Variants in ADAMTS3 observed in about 807,000 individuals in gnomAD.
ADAMTS3 encodes the protein A disintegrin and metalloproteinase with thrombospondin motifs 3.
Under a neutral mutation model 129.0 loss-of-function variants are expected in ADAMTS3, and 73 were observed. That is an observed-to-expected ratio of 0.57 (90% confidence interval 0.47 to 0.69). ADAMTS3 has a LOEUF of 0.69. ADAMTS3 is among the 30% of genes least tolerant of loss of function. The pLI is 0.00. For synonymous variants in ADAMTS3, 477 were observed against 510.8 expected, an observed-to-expected ratio of 0.93 and a Z score of 0.89; for missense variants, 1,457 against 1,514.5, an observed-to-expected ratio of 0.96 and a Z score of 0.63.
At chr4:72,561,175 C>T (rs946444563) in intron 2 of ADAMTS3, among the ~76,000 whole-genome samples, 4 of 152,012 alleles carry the variant, frequency 2.6e-5, no homozygotes, top group Non-Finnish European at 5.9e-5. Context: ...GATGGTGAAA[C>T]TCGTCTCTAC....
chr4:72,331,336 G>A (rs563178239), intron 5 of ADAMTS3, among the ~76,000 whole-genome samples: 8 of 152,132 alleles, frequency 5.3e-5, no homozygotes, highest in Non-Finnish European at 1.2e-4. Flanking sequence ...AGCTTGTTGA[G>A]GTAGGGAAGT....
At chr4:72,464,624 T>A (rs1443951780) in intron 3 of ADAMTS3, among the ~76,000 whole-genome samples, 1 of 152,038 alleles carries the variant, frequency 6.6e-6, no homozygotes, top group South Asian at 2.1e-4. Flanking sequence ...AAAGAGAACA[T>A]GGCACTTACC....
chr4:72,312,820 C>A (rs1719279118), intron 12 of ADAMTS3, among the ~76,000 whole-genome samples: 1 of 152,114 alleles, frequency 6.6e-6, no homozygotes, highest in South Asian at 2.1e-4. Flanking sequence ...GGTCATCGCT[C>A]CATGGCTCGG....
At chr4:72,320,390 G>A (rs1012252122) in intron 7 of ADAMTS3, among the ~76,000 whole-genome samples, 1 of 152,134 alleles carries the variant, frequency 6.6e-6, no homozygotes, top group Non-Finnish European at 1.5e-5. Flanking sequence ...AAGCTCTTTG[G>A]CAGCAGTCAT....
intron 3 of ADAMTS3, among the ~76,000 whole-genome samples, chr4:72,460,333 A>T (rs1398436084): frequency 1.3e-5 from 2 of 151,598 alleles, no homozygotes; most frequent in East Asian, 3.9e-4. Context: ...ACGTGTGTGT[A>T]TTTTAACCAT....
At chr4:72,423,941 T>C (rs958684109) in intron 3 of ADAMTS3, among the ~76,000 whole-genome samples, 3 of 152,092 alleles carry the variant, frequency 2.0e-5, no homozygotes, top group Non-Finnish European at 4.4e-5. Context: ...TCCCCTTATT[T>C]TAAAGCCAGA....
chr4:72,386,890 T>TA (rs1355811754), intron 4 of ADAMTS3, among the ~76,000 whole-genome samples: 1 of 152,232 alleles, frequency 6.6e-6, no homozygotes, highest in African/African-American at 2.4e-5. Context: ...AGCATTTTTT[T>TA]AAGCAATCTT....
At chr4:72,376,421 C>T (rs1485907457) in intron 4 of ADAMTS3, among the ~76,000 whole-genome samples, 2 of 152,066 alleles carry the variant, frequency 1.3e-5, no homozygotes, top group Non-Finnish European at 2.9e-5. Flanking sequence ...TCAGCATGGA[C>T]GTTCAATAAA....
rs191735328 is a variant in ADAMTS3 at position 72,477,358 on chromosome 4, A to G, written c.505-62387T>C. 1.1e-3 allele frequency among the ~76,000 whole-genome samples: 164 copies of G among 152,324 alleles called. 1 individual carries two copies. The highest frequency in any genetic ancestry group is 3.5e-3 in the African/African-American group (147 of 41,568). ...CAAACTGTCTCTCAGACCACAGTGCAATCAAACTAGAACTCAGGATTAAGA... is the reference window on the plus strand; with the variant it reads ...CAAACTGTCTCTCAGACCACAGTGCGATCAAACTAGAACTCAGGATTAAGA... On this transcript the variant is annotated intron_variant, in intron 3 of 21. Transcript: ENST00000286657.
chr4:72,516,201 T>G (rs1720472523), intron 3 of ADAMTS3, among the ~76,000 whole-genome samples: 1 of 152,208 alleles, frequency 6.6e-6, no homozygotes, highest in African/African-American at 2.4e-5. Context: ...TCTATATCTC[T>G]GTTTTGGTAC....
chr4:72,432,241 G>T (rs1722719323), intron 3 of ADAMTS3, among the ~76,000 whole-genome samples: 1 of 151,866 alleles, frequency 6.6e-6, no homozygotes, highest in Admixed American at 6.6e-5. Flanking sequence ...TCTCAGCTTG[G>T]CCCATAAATT....
chr4:72,523,678 CA>C (rs1720733542), intron 3 of ADAMTS3, among the ~76,000 whole-genome samples: 1 of 151,772 alleles, frequency 6.6e-6, no homozygotes. Flanking sequence ...GTGAACTTAC[CA>C]ATATGCAACC....
intron 6 of ADAMTS3, among the ~76,000 whole-genome samples, chr4:72,321,867 G>A (rs950541112): frequency 2.6e-5 from 4 of 151,998 alleles, no homozygotes; most frequent in African/African-American, 9.7e-5. Flanking sequence ...TTCTTTGAAT[G>A]TTGCTACCAT....
intron 3 of ADAMTS3, among the ~76,000 whole-genome samples, chr4:72,519,756 T>A (rs1413956162): frequency 1.3e-5 from 2 of 152,174 alleles, no homozygotes; most frequent in African/African-American, 4.8e-5. Context: ...TTTTTCAAAG[T>A]TTTCAACTTC....
chr4:72,390,988 A>G (rs930295579), intron 4 of ADAMTS3, among the ~76,000 whole-genome samples: 6 of 152,020 alleles, frequency 3.9e-5, no homozygotes, highest in African/African-American at 1.4e-4. Flanking sequence ...TGAGCTAACA[A>G]CCCTAGATAA....
chr4:72,479,544 C>G (rs13124105), intron 3 of ADAMTS3, among the ~76,000 whole-genome samples: 11,534 of 148,118 alleles, frequency 0.078, 570 homozygotes, highest in Non-Finnish European at 0.11. Flanking sequence ...AAAGTTAACT[C>G]AAGATGGATT....
intron 10 of ADAMTS3, among the ~76,000 whole-genome samples, chr4:72,316,176 TAAAC>T (rs1254621814): frequency 3.9e-5 from 6 of 152,220 alleles, no homozygotes; most frequent in African/African-American, 1.2e-4. Context: ...ATAACAATGA[TAAAC>T]AATGATTTGT....
Position 72,526,733 on chromosome 4 carries a change from CATATATATATATATATATAT to C in ADAMTS3, c.504+21725_504+21744del, listed in dbSNP as rs36097990. On this transcript the variant is annotated intron_variant, in intron 3 of 21. Transcript: ENST00000286657. The stretch of plus-strand genomic sequence containing the variant: ...TAGAGACAGAAAAAATATATACATA[CATATATATATATATATATAT>C]ATATATATATATATATATATATATA... Among the ~76,000 whole-genome samples the C allele has an allele frequency of 9.3e-3, 920 of 99,072 alleles. 15 individuals are homozygous for C. The highest frequency in any genetic ancestry group is 0.023 in the African/African-American group (577 of 24,744). 65.0% of individuals were successfully genotyped at this position (99,072 alleles called of 152,430 possible). A position where few individuals can be genotyped will look rare whatever the true frequency, so the allele number is the denominator to read the frequency against.
chr4:72,466,579 G>A (rs1455853576), intron 3 of ADAMTS3, among the ~76,000 whole-genome samples: 1 of 151,974 alleles, frequency 6.6e-6, no homozygotes, highest in African/African-American at 2.4e-5. Context: ...AAGAATGAGA[G>A]CCTTCAAGCT....
Sources: allele counts gnomAD v4.1 joint callset (sites outside exome capture counted in the v4.1 genomes callset), GRCh38; gene constraint gnomAD v4.1.1; transcripts MANE v1.5; gene names NCBI Gene and HGNC (gene_info 2026-07-23, HGNC 2026-07-21).